The following RIT2 variants were observed in gnomAD, a reference collection of about 807,000 sequenced individuals.
The protein encoded by RIT2 is GTP-binding protein Rit2.
Under a neutral mutation model 23.7 loss-of-function variants are expected in RIT2, and 24 were observed. The ratio of observed to expected loss-of-function variants is 1.01; its 90% CI spans 0.73 to 1.43. RIT2 has a LOEUF of 1.43. Among genes scored for constraint, RIT2 ranks in the 40% most tolerant of loss-of-function variants. The pLI, the probability that RIT2 is intolerant of heterozygous loss-of-function variation, is 0.00. For synonymous variants in RIT2, 107 were observed against 91.1 expected, an observed-to-expected ratio of 1.17 and a Z score of -0.99; for missense variants, 236 against 266.9, an observed-to-expected ratio of 0.88 and a Z score of 0.81.
chr18:42,810,821 T>G (rs1311662559), intron 4 of RIT2, among the ~76,000 whole-genome samples: 1 of 152,082 alleles, frequency 6.6e-6, no homozygotes, highest in Admixed American at 6.6e-5. Context: ...ATACAAAATC[T>G]AAACTTTTTA....
intron 4 of RIT2, among the ~76,000 whole-genome samples, chr18:42,754,837 A>G (rs1271619043): frequency 3.3e-5 from 5 of 152,214 alleles, no homozygotes; most frequent in Non-Finnish European, 5.9e-5. Context: ...ATGAGTTCAT[A>G]AAACTGAAAT....
rs142595166 is a variant in RIT2 at position 42,822,024 on chromosome 18, T to A, written c.427-78304A>T. ...AAAAGACCTGATATAGGATCCTAAA[T>A]TAGTCTGGATGTGTATGCCCTCCTG... On this transcript the variant is annotated intron_variant, in intron 4 of 4. Coordinates refer to ENST00000326695, the MANE Select transcript of RIT2 (RefSeq NM_002930.4). Among the ~76,000 whole-genome samples, 814 of 152,192 alleles carry A rather than the reference T, an allele frequency of 5.3e-3. 5 individuals carry two copies. Among genetic ancestry groups the A allele is most frequent in the African/African-American group, 0.018 (744 of 41,542 alleles).
At chr18:42,918,067 A>C (rs1908958684) in intron 4 of RIT2, among the ~76,000 whole-genome samples, 1 of 152,144 alleles carries the variant, frequency 6.6e-6, no homozygotes, top group Non-Finnish European at 1.5e-5. Context: ...GTGCAGTTAG[A>C]ATACACATAC....
rs181006321 is a variant in RIT2, at chr18:43,047,842, G to T, written c.104-13975C>A. On this transcript the variant is annotated intron_variant, in intron 1 of 4. Transcript: ENST00000326695. Reference sequence around the variant, plus strand: ...CTTTGTGTTTAAATTATACTCCTTTGTTTCTCCTCTTTAATAAATTACATT... The same window carrying T: ...CTTTGTGTTTAAATTATACTCCTTTTTTTCTCCTCTTTAATAAATTACATT... Among the ~76,000 whole-genome samples, 288 of 152,184 alleles carry T rather than the reference G, an allele frequency of 1.9e-3. 2 individuals are homozygous for T. Among genetic ancestry groups the T allele is most frequent in the African/African-American group, 6.6e-3 (276 of 41,534 alleles).
chr18:43,107,592 C>G (rs1485717471), intron 1 of RIT2, among the ~76,000 whole-genome samples: 2 of 152,108 alleles, frequency 1.3e-5, no homozygotes, highest in Non-Finnish European at 2.9e-5. Context: ...TGCATGATCC[C>G]AGGTTTCAAT....
chr18:42,885,669 G>C (rs1908003849), intron 4 of RIT2, among the ~76,000 whole-genome samples: 1 of 152,154 alleles, frequency 6.6e-6, no homozygotes, highest in African/African-American at 2.4e-5. Context: ...ACTATTAGAG[G>C]AGAGGGTTGG....
intron 1 of RIT2, among the ~76,000 whole-genome samples, chr18:43,057,599 G>A (rs1598764996): frequency 6.6e-6 from 1 of 151,820 alleles, no homozygotes. Flanking sequence ...GTATGTGCAC[G>A]CACATGCATG....
intron 1 of RIT2, among the ~76,000 whole-genome samples, chr18:43,064,501 C>A (rs1387444399): frequency 6.6e-6 from 1 of 152,102 alleles, no homozygotes; most frequent in Non-Finnish European, 1.5e-5. Context: ...TAAAGAGATG[C>A]AATTTCAGAC....
chr18:43,107,857 G>A (rs955580201), intron 1 of RIT2, among the ~76,000 whole-genome samples: 1 of 152,026 alleles, frequency 6.6e-6, no homozygotes, highest in African/African-American at 2.4e-5. Context: ...TTTGTGTGAT[G>A]TTTAAAATAC....
chr18:43,088,217 G>A (rs768281521), intron 1 of RIT2, among the ~76,000 whole-genome samples: 31 of 152,044 alleles, frequency 2.0e-4, no homozygotes, highest in Non-Finnish European at 4.1e-4. Flanking sequence ...TGTTATTAAG[G>A]GACTATTAAT....
chr18:42,967,174 CTATA>C (rs1910247012), intron 3 of RIT2, among the ~76,000 whole-genome samples: 1 of 151,338 alleles, frequency 6.6e-6, no homozygotes, highest in Admixed American at 6.6e-5. Context: ...ATTTCTCTCT[CTATA>C]TATATCTATC....
intron 4 of RIT2, among the ~76,000 whole-genome samples, chr18:42,870,282 G>T (rs1390734477): frequency 2.0e-5 from 3 of 152,014 alleles, no homozygotes; most frequent in African/African-American, 7.3e-5. Flanking sequence ...ATTTTTTTGA[G>T]ACGCAGTCAG....
chr18:42,976,573 T>C lies in RIT2; in HGVS notation c.161-2426A>G, dbSNP rs552366748. On this transcript the variant is annotated intron_variant, in intron 2 of 4. Transcript: ENST00000326695. ...TTTGTAAAGGTAACAATTATTTGTG[T>C]TTGGGTCATGTAGTTGTTACAAGGA... 2.1e-3 allele frequency among the ~76,000 whole-genome samples: 326 copies of C among 152,172 alleles called. 1 individual carries two copies. The highest frequency in any genetic ancestry group is 5.6e-3 in the Admixed American group (86 of 15,246).
chr18:42,776,713 C>A (rs893097832), intron 4 of RIT2, among the ~76,000 whole-genome samples: 1 of 151,756 alleles, frequency 6.6e-6, no homozygotes, highest in Non-Finnish European at 1.5e-5. Context: ...TGCACAAGAG[C>A]CTAAATTCAA....
At chr18:43,093,860 A>G (rs1459763422) in intron 1 of RIT2, among the ~76,000 whole-genome samples, 1 of 152,006 alleles carries the variant, frequency 6.6e-6, no homozygotes, top group Non-Finnish European at 1.5e-5. Flanking sequence ...TCACATTTCC[A>G]TATTATATTA....
chr18:42,803,120 T>C (rs1218364632), intron 4 of RIT2, among the ~76,000 whole-genome samples: 1 of 152,226 alleles, frequency 6.6e-6, no homozygotes, highest in Admixed American at 6.5e-5. Flanking sequence ...CCATAGGCAT[T>C]GTACATCTAC....
intron 4 of RIT2, among the ~76,000 whole-genome samples, chr18:42,833,419 C>T (rs927122429): frequency 9.2e-5 from 14 of 152,086 alleles, no homozygotes; most frequent in Non-Finnish European, 1.9e-4. Flanking sequence ...CATACCATTG[C>T]TGTTGTGAAT....
chr18:42,766,021 C>T (rs1038550060), intron 4 of RIT2, among the ~76,000 whole-genome samples: 2 of 152,148 alleles, frequency 1.3e-5, no homozygotes, highest in Non-Finnish European at 2.9e-5. Flanking sequence ...CCATGTGGAA[C>T]TGTAAGTCCA....
At chr18:42,987,245 G>C (rs988150057) in intron 2 of RIT2, among the ~76,000 whole-genome samples, 2 of 152,096 alleles carry the variant, frequency 1.3e-5, no homozygotes, top group African/African-American at 4.8e-5. Context: ...CCCATTCTTT[G>C]ATTTTAGACT....
Sources: allele counts gnomAD v4.1 joint callset (sites outside exome capture counted in the v4.1 genomes callset), GRCh38; gene constraint gnomAD v4.1.1; transcripts MANE v1.5; gene names NCBI Gene and HGNC (gene_info 2026-07-23, HGNC 2026-07-21).